The following PICALM variants were observed in gnomAD, a reference collection of about 807,000 sequenced individuals.
PICALM encodes phosphatidylinositol binding clathrin assembly protein.
In PICALM, 40 loss-of-function variants were observed where a neutral mutation model predicts 80.5. The observed-to-expected ratio is 0.50, with a 90% CI of 0.39 to 0.65. The LOEUF is 0.65. Ranked by LOEUF, PICALM falls within the 30% of genes least tolerant of loss-of-function variation. The pLI is 0.00. For synonymous variants in PICALM, 288 were observed against 260.3 expected (o/e 1.11, Z -1.02); for missense variants, 676 against 778.9 (o/e 0.87, Z 1.57).
chr11:86,016,327 T>C (rs913523349), intron 4 of PICALM, among the ~76,000 whole-genome samples: 12 of 152,110 alleles, frequency 7.9e-5, no homozygotes, highest in Admixed American at 7.2e-4. Flanking sequence ...CAAAAAAAGG[T>C]AAAATTCAGA....
chr11:86,042,316 G>C (rs1349547157), intron 1 of PICALM, among the ~76,000 whole-genome samples: 1 of 151,870 alleles, frequency 6.6e-6, no homozygotes, highest in Non-Finnish European at 1.5e-5. Flanking sequence ...TTACTTCTAT[G>C]TCAATTTTAA....
intron 19 of PICALM, among the ~76,000 whole-genome samples, chr11:85,966,903 G>C (rs2093919820): frequency 6.6e-6 from 1 of 152,232 alleles, no homozygotes; most frequent in African/African-American, 2.4e-5. Flanking sequence ...AGAAAATTCA[G>C]AGGGAGCATG....
At chr11:85,981,424 G>T (rs558829577) in intron 16 of PICALM, among the ~76,000 whole-genome samples, 196 bp from the exon 17 acceptor site, 5 of 151,992 alleles carry the variant, frequency 3.3e-5, no homozygotes, top group Admixed American at 6.6e-5. Context: ...TGGCTAACAC[G>T]GCGAAACCCC....
chr11:85,978,121 T>C (rs765051345), intron 17 of PICALM: 1 of 1,594,062 alleles, frequency 6.3e-7, no homozygotes, highest in Non-Finnish European at 8.6e-7. Context: ...AACAATTACA[T>C]AATGCAATAA....
chr11:86,035,420 C>G (rs2095823660), intron 1 of PICALM, among the ~76,000 whole-genome samples: 1 of 152,192 alleles, frequency 6.6e-6, no homozygotes, highest in Non-Finnish European at 1.5e-5. Flanking sequence ...TAGGCTACAT[C>G]AAAACCACAC....
At chr11:86,052,307 A>C (rs941952685) in intron 1 of PICALM, among the ~76,000 whole-genome samples, 1 of 152,218 alleles carries the variant, frequency 6.6e-6, no homozygotes, top group African/African-American at 2.4e-5. Flanking sequence ...CTGGCCATGC[A>C]GAACTGTGAG....
intron 1 of PICALM, among the ~76,000 whole-genome samples, chr11:86,037,538 G>A (rs2095864729): frequency 2.0e-5 from 3 of 150,844 alleles, no homozygotes; most frequent in Admixed American, 6.6e-5. Context: ...GATTACAGGC[G>A]TGAGCCACCG....
At chr11:86,064,866 G>T (rs1029823059) in intron 1 of PICALM, among the ~76,000 whole-genome samples, 3 of 151,980 alleles carry the variant, frequency 2.0e-5, no homozygotes, top group African/African-American at 7.2e-5. Flanking sequence ...TTGAGCCCAG[G>T]AGTTCAAGAC....
chr11:85,987,150 A>G (rs1383973421), intron 13 of PICALM, among the ~76,000 whole-genome samples: 2 of 152,250 alleles, frequency 1.3e-5, no homozygotes, highest in African/African-American at 4.8e-5. Flanking sequence ...TTTATTAAAC[A>G]CTACTAAGCA....
upstream of PICALM, chr11:86,069,141 A>ACCGCCCCTCCTCCCTTCTC: frequency 4.1e-6 from 1 of 242,548 alleles, no homozygotes; most frequent in African/African-American, 2.2e-5. Context: ...TGACTCGGAC[A>ACCGCCCCTCCTCCCTTCTC]CCGCCCCTCC....
At chr11:86,025,740 G>A (rs2095640187) in intron 3 of PICALM, among the ~76,000 whole-genome samples, 1 of 151,870 alleles carries the variant, frequency 6.6e-6, no homozygotes, top group Non-Finnish European at 1.5e-5. Flanking sequence ...TGTATTTTTA[G>A]TAGAGACGGG....
intron 8 of PICALM, among the ~76,000 whole-genome samples, chr11:86,003,941 C>A (rs1350699585): frequency 6.6e-6 from 1 of 152,108 alleles, no homozygotes; most frequent in Non-Finnish European, 1.5e-5. Flanking sequence ...TTAAATACAT[C>A]TGCAGTATCA....
At position 85,958,441 on chromosome 11, in the gene PICALM, C is replaced by G. The variant is rs997935878; in HGVS notation, c.*605G>C. 3 of 211,032 alleles carry G rather than the reference C, an allele frequency of 1.4e-5. No homozygotes were observed. Among genetic ancestry groups the G allele is most frequent in the Admixed American group, 5.9e-5 (1 of 16,986 alleles). The allele number at this position is 211,032 out of a possible 1,614,324, so 13.1% of individuals were successfully genotyped here. A position where few individuals can be genotyped will look rare whatever the true frequency, so the allele number is the denominator to read the frequency against. On this transcript the variant is annotated 3_prime_UTR_variant, in exon 20 of 20. Coordinates refer to ENST00000393346, the MANE Select transcript of PICALM (RefSeq NM_007166.4). The stretch of plus-strand genomic sequence containing the variant: ...CAAACATACTGTGCACATCCATACT[C>G]ATTTTCATAAGGAGGTCTGATACAA...
intron 3 of PICALM, among the ~76,000 whole-genome samples, chr11:86,023,035 A>G (rs1471793510): frequency 6.6e-6 from 1 of 152,216 alleles, no homozygotes; most frequent in Non-Finnish European, 1.5e-5. Flanking sequence ...AAATGAATAC[A>G]TAAATCATTC....
chr11:86,006,141 A>T (rs921989135), intron 8 of PICALM, among the ~76,000 whole-genome samples: 3 of 152,228 alleles, frequency 2.0e-5, no homozygotes, highest in African/African-American at 7.2e-5. Flanking sequence ...AATATACGTT[A>T]TTCAAGCAAT....
At chr11:86,003,162 G>C (rs1293946820) in intron 9 of PICALM, among the ~76,000 whole-genome samples, 1 of 152,110 alleles carries the variant, frequency 6.6e-6, no homozygotes, top group Non-Finnish European at 1.5e-5. Flanking sequence ...ATTTATTGAA[G>C]GTCAGAAACA....
Position 86,068,707 on chromosome 11 carries a change from G to A in PICALM, c.74C>T (p.Thr25Ile), listed in dbSNP as rs1466084704. Residue 25 changes from threonine to isoleucine, a missense_variant, in exon 1 of 20, where the codon ACA becomes ATA. Around this residue, in one of 2 missense-constraint regions of PICALM, gnomAD observed 285 missense variants for 395.4 expected, o/e 0.72. Coordinates refer to ENST00000393346, the MANE Select transcript of PICALM (RefSeq NM_007166.4). The stretch of plus-strand genomic sequence containing the variant: ...CTCGTGGGTCGTGGCCTTGCATACT[G>A]TCTTGGATACGGCAGAGCCGGTGAC... ...HSVTGSAVSK[T>I]VCKATTHEIM... 2.5e-6 allele frequency: 4 copies of A among 1,613,436 alleles called. No individual in the cohort carries two copies. The highest frequency in any genetic ancestry group is 2.2e-5 in the East Asian group (1 of 44,858).
At chr11:86,028,908 G>A (rs113795276) in intron 2 of PICALM, among the ~76,000 whole-genome samples, 3 of 148,436 alleles carry the variant, frequency 2.0e-5, no homozygotes, top group Admixed American at 6.8e-5. Context: ...GTGTCATCTC[G>A]CTCACTGCAA....
chr11:85,990,441 G>A, intron 12 of PICALM, 42 bp from the exon 13 acceptor site: 1 of 1,302,976 alleles, frequency 7.7e-7, no homozygotes, highest in Non-Finnish European at 1.1e-6. Context: ...AAGAAAGGAA[G>A]TAAATAAATT....
Sources: gnomAD v4.1 joint callset for allele counts (sites outside exome capture counted in the v4.1 genomes callset) on GRCh38, gnomAD v4.1.1 for gene constraint, gnomAD v4.1.1 regional missense constraint, MANE v1.5 for transcripts, NCBI Gene and HGNC (gene_info 2026-07-23, HGNC 2026-07-21) for gene names.